The following RHEB variants were observed in gnomAD, a reference collection of about 807,000 sequenced individuals.
RHEB encodes Ras homolog, mTORC1 binding.
Under a neutral mutation model 28.8 loss-of-function variants are expected in RHEB, and 2 were observed. That is an observed-to-expected ratio of 0.07 (90% CI 0.03 to 0.22). The LOEUF (loss-of-function observed/expected upper bound fraction) is 0.22, where lower values mean the gene tolerates loss of function less well. Ranked by LOEUF, RHEB falls within the 10% of genes least tolerant of loss-of-function variation. The pLI, the probability that RHEB is intolerant of heterozygous loss-of-function variation, is 1.00. For missense variants in RHEB, 76 were observed against 219.9 expected, an observed-to-expected ratio of 0.35 and a Z score of 4.14; for synonymous variants, 69 against 77.3, an observed-to-expected ratio of 0.89 and a Z score of 0.56.
chr7:151,518,664 G>A (rs1040416146), intron 1 of RHEB, among the ~76,000 whole-genome samples: 3 of 152,218 alleles, frequency 2.0e-5, no homozygotes, highest in Admixed American at 2.0e-4. Flanking sequence ...GCGACTGCTA[G>A]GAACTGTTTC....
intron 4 of RHEB, among the ~76,000 whole-genome samples, chr7:151,477,114 T>C (rs939310819): frequency 6.6e-6 from 1 of 152,118 alleles, no homozygotes; most frequent in African/African-American, 2.4e-5. Flanking sequence ...TCTAGGTAGC[T>C]TGAGGTAAGA....
chr7:151,510,000 C>G (rs1232229848), intron 1 of RHEB, among the ~76,000 whole-genome samples: 3 of 152,168 alleles, frequency 2.0e-5, no homozygotes, highest in Admixed American at 2.0e-4. Context: ...TATAGATCAT[C>G]GTCTTATTTG....
chr7:151,515,232 A>C (rs1311562412), intron 1 of RHEB, among the ~76,000 whole-genome samples: 1 of 152,200 alleles, frequency 6.6e-6, no homozygotes, highest in African/African-American at 2.4e-5. Flanking sequence ...TAAGTAAAAG[A>C]CGCCAGCCCC....
At position 151,511,379 on chromosome 7, in the gene RHEB, G is replaced by T. The variant is rs140947805; in HGVS notation, c.52+8081C>A. Among the ~76,000 whole-genome samples the T allele has an allele frequency of 2.0e-3, 311 of 152,340 alleles. 1 individual carries two copies. Among genetic ancestry groups the T allele is most frequent in the African/African-American group, 7.3e-3 (302 of 41,580 alleles). ...ACAACAAAAAGAGAAATGCGGGAGA[G>T]AAAGACTCAATTCTACTACAGATAA... On this transcript the variant is annotated intron_variant, in intron 1 of 7. Transcript: ENST00000262187.
chr7:151,483,843 A>G (rs1563094394), intron 3 of RHEB, among the ~76,000 whole-genome samples: 1 of 152,200 alleles, frequency 6.6e-6, no homozygotes, highest in Non-Finnish European at 1.5e-5. Context: ...ATGTCATGGT[A>G]ATGGGGCAGC....
rs547792870 is a variant in RHEB at position 151,471,750 on chromosome 7, T to A, written c.276-145A>T. ...AAATGAACACAAAGAACTCCTGTTT[T>A]TTCCTAGCAATCCATTCACATGTGC... On this transcript the variant is annotated intron_variant, in intron 4 of 7. Coordinates refer to ENST00000262187, the MANE Select transcript of RHEB (RefSeq NM_005614.4). The A allele has an allele frequency of 2.8e-5, 17 of 611,798 alleles. No homozygotes were observed. In the Admixed American group the frequency reaches 3.3e-4, roughly 12 times the overall value. 37.9% of individuals were successfully genotyped at this position (611,798 alleles called of 1,614,324 possible).
At position 151,484,665 on chromosome 7, in the gene RHEB, T is replaced by C. The variant is rs1472636057; in HGVS notation, c.192+72A>G. On this transcript the variant is annotated intron_variant, in intron 3 of 7. Transcript: ENST00000262187. ...GGTTTTCTTGGCATAGCTGGTACTTTTAAAAATCAGTGCTAGGACCAAGAC... is the reference window on the plus strand; with the variant it reads ...GGTTTTCTTGGCATAGCTGGTACTTCTAAAAATCAGTGCTAGGACCAAGAC... The C allele has an allele frequency of 9.5e-6, 11 of 1,157,874 alleles. No individual in the cohort carries two copies. The African/African-American group carries it at 1.7e-4, about 18-fold the overall frequency. 71.7% of individuals were successfully genotyped at this position (1,157,874 alleles called of 1,614,324 possible). A position where few individuals can be genotyped will look rare whatever the true frequency, so the allele number is the denominator to read the frequency against.
intron 4 of RHEB, among the ~76,000 whole-genome samples, chr7:151,475,416 T>C (rs1802254963): frequency 6.6e-6 from 1 of 152,218 alleles, no homozygotes; most frequent in South Asian, 2.1e-4. Context: ...AAAACAATCT[T>C]TGAATCATGT....
At chr7:151,482,852 C>T (rs6949781) in intron 3 of RHEB, among the ~76,000 whole-genome samples, 11,270 of 152,202 alleles carry the variant, frequency 0.074, 584 homozygotes, top group African/African-American at 0.14. Context: ...CCTACTCAAG[C>T]GGCTCTTCCC....
At chr7:151,506,852 G>C (rs1802890647) in intron 1 of RHEB, among the ~76,000 whole-genome samples, 1 of 152,154 alleles carries the variant, frequency 6.6e-6, no homozygotes, top group African/African-American at 2.4e-5. Flanking sequence ...TTATCTGGTG[G>C]GCTGGTGGTG....
At chr7:151,518,696 G>A (rs137979900) in intron 1 of RHEB, among the ~76,000 whole-genome samples, 449 of 152,108 alleles carry the variant, frequency 3.0e-3, no homozygotes, top group Non-Finnish European at 5.4e-3. Flanking sequence ...AACCTTTTGG[G>A]GGAAGAAAAA....
intron 3 of RHEB, among the ~76,000 whole-genome samples, chr7:151,480,501 TG>T (rs929145133): frequency 6.9e-6 from 1 of 144,842 alleles, no homozygotes; most frequent in African/African-American, 2.6e-5. Context: ...CTGGTGGGGG[TG>T]GGGGGTTAGA....
At chr7:151,484,328 A>G (rs972527862) in intron 3 of RHEB, among the ~76,000 whole-genome samples, 3 of 152,258 alleles carry the variant, frequency 2.0e-5, no homozygotes, top group Non-Finnish European at 4.4e-5. Flanking sequence ...ATCCTGTAAT[A>G]AGTATTAACC....
intron 4 of RHEB, among the ~76,000 whole-genome samples, chr7:151,473,743 T>C (rs1802208698): frequency 6.6e-6 from 1 of 150,838 alleles, no homozygotes; most frequent in African/African-American, 2.5e-5. Flanking sequence ...GCCCCATTTG[T>C]TCCCAAACCC....
chr7:151,506,687 T>TA (rs2150936786), intron 1 of RHEB, among the ~76,000 whole-genome samples: 1 of 152,298 alleles, frequency 6.6e-6, no homozygotes, highest in South Asian at 2.1e-4. Flanking sequence ...AGCCTCAAAA[T>TA]AACACAAGCA....
At chr7:151,509,934 A>G (rs1347543045) in intron 1 of RHEB, among the ~76,000 whole-genome samples, 1 of 152,188 alleles carries the variant, frequency 6.6e-6, no homozygotes, top group Non-Finnish European at 1.5e-5. Context: ...CCTGCCCTGC[A>G]AAGCTTGAGA....
chr7:151,471,387 T>G lies in RHEB; in HGVS notation c.380+7A>C, dbSNP rs1197157895. The G allele has an allele frequency of 1.0e-5, 16 of 1,524,924 alleles. No individual in the cohort carries two copies. Among genetic ancestry groups the G allele is most frequent in the Non-Finnish European group, 1.5e-5 (16 of 1,102,518 alleles). The allele number at this position is 1,524,924 out of a possible 1,614,324, so 94.5% of individuals were successfully genotyped here. On this transcript the variant is annotated splice_region_variant and intron_variant, in intron 6 of 7. Coordinates refer to ENST00000262187, the MANE Select transcript of RHEB (RefSeq NM_005614.4). ...ATCTTAGATTTGACTTTATAAAAGCTACATACCTTTCCATATGCAGGTCTT... is the reference window on the plus strand; with the variant it reads ...ATCTTAGATTTGACTTTATAAAAGCGACATACCTTTCCATATGCAGGTCTT...
chr7:151,467,540 C>A (rs1368154261), intron 7 of RHEB, among the ~76,000 whole-genome samples: 1 of 152,136 alleles, frequency 6.6e-6, no homozygotes, highest in Non-Finnish European at 1.5e-5. Flanking sequence ...GTCCTCTGAC[C>A]TCAGGGTCCC....
intron 1 of RHEB, among the ~76,000 whole-genome samples, chr7:151,501,496 G>A (rs1170295009): frequency 1.3e-5 from 2 of 152,210 alleles, no homozygotes; most frequent in Non-Finnish European, 1.5e-5. Context: ...CCCATTGCCT[G>A]TGGGAATGCA....
Sources: gnomAD v4.1 joint callset for allele counts (sites outside exome capture counted in the v4.1 genomes callset) on GRCh38, gnomAD v4.1.1 for gene constraint, MANE v1.5 for transcripts, NCBI Gene and HGNC (gene_info 2026-07-23, HGNC 2026-07-21) for gene names.